The following TPRG1 variants were observed in gnomAD, a reference collection of about 807,000 sequenced individuals.
TPRG1 encodes tumor protein p63 regulated 1, also known as tumor protein p63-regulated gene 1 protein.
A neutral mutation model predicts 29.3 loss-of-function variants in TPRG1; 29 were observed. The ratio of observed to expected loss-of-function variants is 0.99; its 90% confidence interval spans 0.74 to 1.35. The LOEUF (loss-of-function observed/expected upper bound fraction) is 1.35, where lower values mean the gene tolerates loss of function less well. Ranked by LOEUF, TPRG1 falls within the 40% of genes most tolerant of loss-of-function variation. The probability of loss-of-function intolerance (pLI) is 0.00; values close to 1 mark genes in which losing one functional copy is unlikely to be tolerated. For missense variants in TPRG1, 327 were observed against 335.0 expected (o/e 0.98, Z 0.19); for synonymous variants, 130 against 116.8 (o/e 1.11, Z -0.73).
intron 4 of TPRG1, among the ~76,000 whole-genome samples, chr3:189,295,934 A>T (rs1416501140): frequency 6.8e-6 from 1 of 147,720 alleles, no homozygotes; most frequent in East Asian, 2.0e-4. Context: ...AAAAAAAAAC[A>T]TTTAGACTGT....
chr3:189,315,855 T>G (rs1723427724), intron 5 of TPRG1, among the ~76,000 whole-genome samples: 1 of 152,182 alleles, frequency 6.6e-6, no homozygotes, highest in Non-Finnish European at 1.5e-5. Context: ...GCAAAGACTT[T>G]CACAAATTAT....
At chr3:189,202,031 T>C (rs1373443936) in intron 1 of TPRG1, among the ~76,000 whole-genome samples, 1 of 152,166 alleles carries the variant, frequency 6.6e-6, no homozygotes, top group African/African-American at 2.4e-5. Flanking sequence ...ACTCATGTTC[T>C]GGCAACTAAG....
chr3:189,115,538 G>C (rs1188608551), intron 1 of TPRG1, among the ~76,000 whole-genome samples: 1 of 152,204 alleles, frequency 6.6e-6, no homozygotes. Flanking sequence ...TTGTGGAGTT[G>C]TGCTTTATAA....
In TPRG1 at chr3:189,075,711, A is replaced by G. The variant is rs1472120702; in HGVS notation, c.-462-51346A>G. On this transcript the variant is annotated intron_variant, in intron 4 of 10. Transcript: ENST00000433971. ...CTTGGTCAGTTCCACATCAGAGTGT[A>G]TTTTTACAGTCCCACTTCCTTAGCC... Among the ~76,000 whole-genome samples, 5 of 152,050 alleles carry G rather than the reference A, an allele frequency of 3.3e-5. No homozygotes were observed. The East Asian group carries it at 9.6e-4, about 29-fold the overall frequency.
chr3:189,089,702 C>T (rs772158018), intron 4 of TPRG1, among the ~76,000 whole-genome samples: 8 of 152,152 alleles, frequency 5.3e-5, no homozygotes, highest in Non-Finnish European at 8.8e-5. Context: ...GTCCCATTAT[C>T]ATGATAATGC....
intron 4 of TPRG1, among the ~76,000 whole-genome samples, chr3:189,270,483 G>A (rs1714928023): frequency 6.6e-6 from 1 of 152,252 alleles, no homozygotes; most frequent in African/African-American, 2.4e-5. Flanking sequence ...GGAGGCTGCA[G>A]TGTTCCCAGG....
Position 189,009,878 on chromosome 3 carries a change from G to A in TPRG1, c.-660+5118G>A, listed in dbSNP as rs868542931. Among the ~76,000 whole-genome samples, 94 of 151,648 alleles carry A rather than the reference G, an allele frequency of 6.2e-4. 1 individual carries two copies. The highest frequency in any genetic ancestry group is 2.2e-3 in the African/African-American group (90 of 41,338). On this transcript the variant is annotated intron_variant, in intron 3 of 10. Transcript: ENST00000433971. ...GTAAATGTGTGCCATGGTGGTTTGC[G>A]CGCAGATCATCCCATCACCCAGGTA...
intron 1 of TPRG1, among the ~76,000 whole-genome samples, chr3:189,199,274 C>T (rs928996606): frequency 3.9e-5 from 6 of 152,196 alleles, no homozygotes; most frequent in Non-Finnish European, 5.9e-5. Context: ...CAGTTGGAGT[C>T]ACATGATGAT....
intron 4 of TPRG1, among the ~76,000 whole-genome samples, chr3:189,050,372 C>T (rs576770459): frequency 1.3e-5 from 2 of 152,124 alleles, no homozygotes; most frequent in Non-Finnish European, 2.9e-5. Context: ...TACAACCTTC[C>T]TAGCTTAAAT....
intron 4 of TPRG1, among the ~76,000 whole-genome samples, chr3:189,242,399 A>G (rs1238661904): frequency 6.6e-6 from 1 of 152,092 alleles, no homozygotes; most frequent in Non-Finnish European, 1.5e-5. Context: ...CAGCTTGTCT[A>G]ATGTTTGAAA....
chr3:189,238,034 G>T (rs554533469), intron 3 of TPRG1, among the ~76,000 whole-genome samples: 1 of 152,148 alleles, frequency 6.6e-6, no homozygotes, highest in East Asian at 1.9e-4. Context: ...GAGAAATTCT[G>T]AATTCTCAGT....
At chr3:189,242,054 G>A (rs1199030510) in intron 4 of TPRG1, among the ~76,000 whole-genome samples, 2 of 151,960 alleles carry the variant, frequency 1.3e-5, no homozygotes, top group African/African-American at 2.4e-5. Context: ...CCAAGTTTTT[G>A]TCTAGTAATT....
At chr3:189,068,941 C>T (rs1015080464) in intron 4 of TPRG1, among the ~76,000 whole-genome samples, 4 of 152,020 alleles carry the variant, frequency 2.6e-5, no homozygotes, top group Admixed American at 1.3e-4. Flanking sequence ...TTTGTGGAAG[C>T]TAAACGTTAA....
chr3:189,256,203 GTA>G (rs1711846988), intron 4 of TPRG1, among the ~76,000 whole-genome samples: 1 of 152,112 alleles, frequency 6.6e-6, no homozygotes, highest in South Asian at 2.1e-4. Flanking sequence ...AGAGATTTTG[GTA>G]TGTTGTGTCT....
chr3:189,292,702 T>G (rs1719220573), intron 4 of TPRG1, among the ~76,000 whole-genome samples: 1 of 152,194 alleles, frequency 6.6e-6, no homozygotes, highest in African/African-American at 2.4e-5. Flanking sequence ...CCATACACAC[T>G]TGCAGAAAAC....
At chr3:189,125,813 T>TG (rs1722389543) in intron 1 of TPRG1, among the ~76,000 whole-genome samples, 2 of 124,060 alleles carry the variant, frequency 1.6e-5, no homozygotes, top group African/African-American at 3.0e-5. Flanking sequence ...GCAGGGTGTT[T>TG]TGTGTGTGTG....
intron 1 of TPRG1, among the ~76,000 whole-genome samples, chr3:189,177,600 A>T (rs1245349961): frequency 2.0e-5 from 3 of 151,948 alleles, no homozygotes; most frequent in Non-Finnish European, 4.4e-5. Flanking sequence ...ATCGATAGAA[A>T]AGAGGAGAGG....
At chr3:189,076,654 G>T (rs1024215423) in intron 4 of TPRG1, among the ~76,000 whole-genome samples, 1 of 151,866 alleles carries the variant, frequency 6.6e-6, no homozygotes, top group African/African-American at 2.4e-5. Flanking sequence ...GGGCTTAATG[G>T]TCTCTCCTTC....
At chr3:189,254,479 G>A (rs1742754439) in intron 4 of TPRG1, among the ~76,000 whole-genome samples, 1 of 152,090 alleles carries the variant, frequency 6.6e-6, no homozygotes, top group African/African-American at 2.4e-5. Context: ...TGTTCTTTTT[G>A]CTTAGGATTG....
Sources: gnomAD v4.1 joint callset for allele counts (sites outside exome capture counted in the v4.1 genomes callset) on GRCh38, gnomAD v4.1.1 for gene constraint, MANE v1.5 for transcripts, NCBI Gene and HGNC (gene_info 2026-07-23, HGNC 2026-07-21) for gene names.